EPM2A: variants seen among roughly 807,000 people sequenced by gnomAD.
EPM2A encodes EPM2A glucan phosphatase, laforin, also known as laforin.
In EPM2A, 21 loss-of-function variants were observed where a neutral mutation model predicts 26.5. The observed-to-expected ratio is 0.79, with a 90% CI of 0.56 to 1.14. The LOEUF (loss-of-function observed/expected upper bound fraction) is 1.14. EPM2A is among the 50% of genes most tolerant of loss of function. The pLI is 0.00. For synonymous variants in EPM2A, 217 were observed against 177.6 expected (o/e 1.22, Z -1.76); for missense variants, 458 against 440.8 (o/e 1.04, Z -0.35).
At chr6:145,559,015 T>C (rs1467271526) in intron 2 of EPM2A, among the ~76,000 whole-genome samples, 1 of 152,082 alleles carries the variant, frequency 6.6e-6, no homozygotes, top group African/African-American at 2.4e-5. Context: ...ATTTCTCCAG[T>C]TTATATGTCT....
intron 2 of EPM2A, among the ~76,000 whole-genome samples, chr6:145,566,854 G>C (rs439035): frequency 0.48 from 73,286 of 152,044 alleles, 18,567 homozygotes; most frequent in African/African-American, 0.63. Flanking sequence ...TTAAAGAAAT[G>C]TAGTAAATTA....
intron 4 of EPM2A, among the ~76,000 whole-genome samples, chr6:145,431,514 T>C (rs1038308702): frequency 2.0e-5 from 3 of 152,216 alleles, no homozygotes; most frequent in Non-Finnish European, 2.9e-5. Flanking sequence ...AAAAGTTATG[T>C]TTACACTATA....
In EPM2A at chr6:145,697,433, C is replaced by T. The variant is rs139261928; in HGVS notation, c.302-11137G>A. On this transcript the variant is annotated intron_variant, in intron 1 of 3. Transcript: ENST00000367519. ...AAAATTAAAATTGCTAATGAAGTTT[C>T]GGGCACACATTGTCAATGATAACAT... is the stretch of plus-strand genomic sequence containing the variant. Among the ~76,000 whole-genome samples the T allele has an allele frequency of 7.5e-4, 114 of 152,210 alleles. No homozygotes were observed. In the East Asian group the frequency reaches 0.014, roughly 19 times the overall value.
intron 2 of EPM2A, among the ~76,000 whole-genome samples, chr6:145,524,138 G>A (rs1780239341): frequency 6.6e-6 from 1 of 152,154 alleles, no homozygotes; most frequent in African/African-American, 2.4e-5. Flanking sequence ...TTTTGTGGCT[G>A]CATAGTATTC....
chr6:145,491,357 G>T (rs1779752712), intron 4 of EPM2A, among the ~76,000 whole-genome samples: 1 of 152,156 alleles, frequency 6.6e-6, no homozygotes, highest in Non-Finnish European at 1.5e-5. Context: ...CAGGGCAAGT[G>T]CTTTTGGGTG....
At chr6:145,525,713 T>A (rs148640618) in intron 2 of EPM2A, among the ~76,000 whole-genome samples, 2 of 152,200 alleles carry the variant, frequency 1.3e-5, no homozygotes, top group Non-Finnish European at 2.9e-5. Context: ...TTTAGGATTT[T>A]CTAGGTATGG....
chr6:145,479,179 T>G (rs1405047019), intron 4 of EPM2A, among the ~76,000 whole-genome samples: 1 of 150,546 alleles, frequency 6.6e-6, no homozygotes, highest in Non-Finnish European at 1.5e-5. Flanking sequence ...TCTGTCCTCT[T>G]CTTTCTGTAT....
At chr6:145,508,359 TCTTA>T (rs546312149) in intron 2 of EPM2A, among the ~76,000 whole-genome samples, 114 of 152,332 alleles carry the variant, frequency 7.5e-4, no homozygotes, top group African/African-American at 2.6e-3. Flanking sequence ...TCTTGCTGGC[TCTTA>T]CTTCTCAGCA....
At chr6:145,698,151 A>T (rs1583076131) in intron 1 of EPM2A, among the ~76,000 whole-genome samples, 1 of 152,216 alleles carries the variant, frequency 6.6e-6, no homozygotes. Context: ...CCCTCCGTTC[A>T]GGGTCCCTGA....
intron 2 of EPM2A, among the ~76,000 whole-genome samples, chr6:145,667,886 T>G (rs1312543449): frequency 1.3e-5 from 2 of 150,654 alleles, no homozygotes; most frequent in Non-Finnish European, 2.9e-5. Flanking sequence ...AAATTGGAAA[T>G]CATCATTCTC....
chr6:145,665,568 C>A (rs1260140750), intron 2 of EPM2A, among the ~76,000 whole-genome samples: 2 of 145,770 alleles, frequency 1.4e-5, no homozygotes, highest in African/African-American at 5.2e-5. Context: ...GATTCACAGC[C>A]GAATTCTACC....
chr6:145,642,436 T>C (rs1325468308), intron 2 of EPM2A, among the ~76,000 whole-genome samples: 2 of 152,202 alleles, frequency 1.3e-5, no homozygotes, highest in East Asian at 1.9e-4. Context: ...TCAACAAATA[T>C]GAAATGATGC....
At chr6:145,670,811 C>T (rs972579727) in intron 2 of EPM2A, 3 of 555,644 alleles carry the variant, frequency 5.4e-6, no homozygotes, top group Non-Finnish European at 6.9e-6. Flanking sequence ...GGATATCTAG[C>T]AATTAATTTG....
At chr6:145,627,917 C>T in intron 3 of EPM2A, 1 of 620,246 alleles carries the variant, frequency 1.6e-6, no homozygotes, top group Non-Finnish European at 2.8e-6. Flanking sequence ...TCTCTCTAAT[C>T]CTTCCCTGGG....
Position 145,626,358 on chromosome 6 carries a change from C to T in EPM2A, c.*1058G>A. The T allele has an allele frequency of 1.0e-6, 1 of 985,970 alleles. No individual in the cohort carries two copies. The highest frequency in any genetic ancestry group is 1.2e-6 in the Non-Finnish European group (1 of 830,048). The allele number at this position is 985,970 out of a possible 1,614,324, so 61.1% of individuals were successfully genotyped here. A position where few individuals can be genotyped will look rare whatever the true frequency, so the allele number is the denominator to read the frequency against. On this transcript the variant is annotated 3_prime_UTR_variant, in exon 4 of 4. Coordinates refer to ENST00000367519, the MANE Select transcript of EPM2A (RefSeq NM_005670.4). ...ATGGCCAAGGCTGTGAAGCAATTATCCATGGATTTGGTCATTTGGGCTCTT... is the reference window on the plus strand; with the variant it reads ...ATGGCCAAGGCTGTGAAGCAATTATTCATGGATTTGGTCATTTGGGCTCTT...
chr6:145,512,710 C>CAAAAA (rs58668403), intron 2 of EPM2A, among the ~76,000 whole-genome samples: 7 of 22,544 alleles, frequency 3.1e-4, no homozygotes, highest in Non-Finnish European at 5.6e-4. Flanking sequence ...GACTCCATCT[C>CAAAAA]AAAAAAAAAA....
At chr6:145,705,857 C>G (rs1375610164) in intron 1 of EPM2A, 2 of 456,494 alleles carry the variant, frequency 4.4e-6, no homozygotes, top group Admixed American at 4.7e-5. Context: ...GACATGGATA[C>G]TGGTAAACAG....
chr6:145,492,084 A>G, intron 4 of EPM2A: 1 of 258,028 alleles, frequency 3.9e-6, no homozygotes, highest in Non-Finnish European at 7.5e-6. Flanking sequence ...TCCTCTCTTC[A>G]ACCTCCATGG....
intron 4 of EPM2A, chr6:145,490,646 A>T: frequency 1.6e-6 from 1 of 633,706 alleles, no homozygotes; most frequent in African/African-American, 1.8e-5. Context: ...CATATTTCAC[A>T]CTTGAAACTC....
Sources: gnomAD v4.1 joint callset for allele counts (sites outside exome capture counted in the v4.1 genomes callset) on GRCh38, gnomAD v4.1.1 for gene constraint, MANE v1.5 for transcripts, NCBI Gene and HGNC (gene_info 2026-07-23, HGNC 2026-07-21) for gene names.